Variants in SHROOM4 observed in about 807,000 individuals in gnomAD.
The protein encoded by SHROOM4 is protein Shroom4.
SHROOM4 carries 17 observed loss-of-function variants against 80.3 expected under a neutral mutation model. The observed-to-expected ratio is 0.21, with a 90% CI of 0.14 to 0.32. SHROOM4 has a LOEUF of 0.32. SHROOM4 is among the 10% of genes least tolerant of loss of function. The pLI is 1.00. For missense variants in SHROOM4, 993 were observed against 1,140.3 expected (o/e 0.87, Z 1.86); for synonymous variants, 400 against 437.5 (o/e 0.91, Z 1.07).
intron 1 of SHROOM4, among the ~76,000 whole-genome samples, chrX:50,697,939 C>T (rs982065788): frequency 6.7e-4 from 75 of 111,962 alleles, no homozygotes; most frequent in African/African-American, 2.4e-3. Context: ...AAGAGTTTCC[C>T]GAGGCTAACA....
At chrX:50,710,047 A>G (rs149887049) in intron 1 of SHROOM4, among the ~76,000 whole-genome samples, 18 of 112,260 alleles carry the variant, frequency 1.6e-4, no homozygotes, top group African/African-American at 5.8e-4. Context: ...AATCAAAGTC[A>G]CAGGCATGTT....
At chrX:50,720,227 T>C (rs143980182) in intron 1 of SHROOM4, among the ~76,000 whole-genome samples, 111 of 111,819 alleles carry the variant, frequency 9.9e-4, no homozygotes, top group African/African-American at 3.3e-3. Context: ...TCTCCTCTTA[T>C]GATTGCCCAC....
intron 1 of SHROOM4, among the ~76,000 whole-genome samples, chrX:50,764,027 C>A (rs1291519429): frequency 8.9e-6 from 1 of 111,794 alleles, no homozygotes; most frequent in Non-Finnish European, 1.9e-5. Context: ...AGATCTCTAC[C>A]GTTTTTGAAA....
At chrX:50,616,311 C>A (rs1405970089) in intron 5 of SHROOM4, among the ~76,000 whole-genome samples, 3 of 111,359 alleles carry the variant, frequency 2.7e-5, no homozygotes, top group Non-Finnish European at 5.7e-5. Flanking sequence ...TTTTACCATT[C>A]TTTTTTCCTT....
intron 1 of SHROOM4, among the ~76,000 whole-genome samples, chrX:50,736,770 T>C (rs1169412830): frequency 8.9e-6 from 1 of 112,051 alleles, no homozygotes; most frequent in African/African-American, 3.2e-5. Context: ...AGTAGTGGGA[T>C]TGCTGGGTCA....
chrX:50,665,236 C>T (rs1602417323), intron 2 of SHROOM4, among the ~76,000 whole-genome samples: 1 of 111,040 alleles, frequency 9.0e-6, no homozygotes, highest in African/African-American at 3.3e-5. Flanking sequence ...AGAACCTTAA[C>T]CCTCATCCAA....
chrX:50,633,835 G>A lies in SHROOM4; in HGVS notation c.2238C>T (p.Ser746=). 3 of 1,212,261 alleles carry A rather than the reference G, an allele frequency of 2.5e-6. No homozygotes were observed. Among genetic ancestry groups the A allele is most frequent in the Non-Finnish European group, 3.3e-6 (3 of 895,634 alleles). The change falls in exon 4 of 9, where the codon TCC becomes TCT. Residue 746 remains serine (S), a synonymous_variant. Coordinates refer to ENST00000376020, the MANE Select transcript of SHROOM4 (RefSeq NM_020717.5). ...TCAATTCCTTGTTGTCACCTGGGTT[G>A]GAAGGGCCTTCCATGGCTGCTGCCA... ...PLVAAAMEGP[S]NPGDNKELKA... is the part of the protein sequence containing the mutation.
intron 1 of SHROOM4, among the ~76,000 whole-genome samples, chrX:50,740,485 T>G (rs895191701): frequency 7.2e-5 from 8 of 111,320 alleles, no homozygotes; most frequent in Admixed American, 2.9e-4. Context: ...TATAGGCAAC[T>G]CAACAATGAT....
Position 50,694,936 on chromosome X carries a change from G to GA in SHROOM4, c.269+849dup, listed in dbSNP as rs782428169. 8.0e-3 allele frequency among the ~76,000 whole-genome samples: 786 copies of GA among 98,256 alleles called. 10 individuals carry two copies. The highest frequency in any genetic ancestry group is 0.024 in the African/African-American group (646 of 27,143). 85.3% of individuals were successfully genotyped at this position (98,256 alleles called of 115,157 possible). Reference sequence around the variant, plus strand: ...AACTTAGGTGTGTATATACGATAAAGAAAAAAAAAAACAATAGAAAGGGAG... The same window carrying GA: ...AACTTAGGTGTGTATATACGATAAAGAAAAAAAAAAAACAATAGAAAGGGAG... On this transcript the variant is annotated intron_variant, in intron 2 of 8. Transcript: ENST00000376020.
At chrX:50,609,665 A>G (rs868962049) in intron 5 of SHROOM4, among the ~76,000 whole-genome samples, 12 of 88,248 alleles carry the variant, frequency 1.4e-4, no homozygotes, top group Non-Finnish European at 1.6e-4. Flanking sequence ...AGTCATGGAT[A>G]TGTGTGTGTG....
intron 1 of SHROOM4, among the ~76,000 whole-genome samples, chrX:50,738,544 C>T (rs1341575931): frequency 2.7e-5 from 3 of 111,302 alleles, no homozygotes; most frequent in African/African-American, 9.8e-5. Context: ...AACAGACAAA[C>T]AGAGAGCCAA....
At chrX:50,655,536 T>C (rs926047637) in intron 2 of SHROOM4, among the ~76,000 whole-genome samples, 5 of 106,983 alleles carry the variant, frequency 4.7e-5, no homozygotes, top group Non-Finnish European at 9.6e-5. Flanking sequence ...AAATATATAT[T>C]ATATATAACA....
chrX:50,719,178 G>A (rs1445953939), intron 1 of SHROOM4, among the ~76,000 whole-genome samples: 1 of 111,781 alleles, frequency 8.9e-6, no homozygotes, highest in Non-Finnish European at 1.9e-5. Context: ...ATATTATTTA[G>A]CTCCAATGTA....
intron 3 of SHROOM4, among the ~76,000 whole-genome samples, chrX:50,636,040 G>A (rs1557256066): frequency 9.0e-6 from 1 of 111,495 alleles, no homozygotes; most frequent in African/African-American, 3.3e-5. Flanking sequence ...CAGAATATCA[G>A]CATTAGAGAG....
At chrX:50,655,932 T>G (rs781885443) in intron 2 of SHROOM4, among the ~76,000 whole-genome samples, 27 of 111,743 alleles carry the variant, frequency 2.4e-4, no homozygotes, top group African/African-American at 8.7e-4. Context: ...ACACTTGTCT[T>G]TTTGATTATA....
chrX:50,802,691 A>T (rs1318484139), intron 1 of SHROOM4, among the ~76,000 whole-genome samples: 1 of 111,788 alleles, frequency 8.9e-6, no homozygotes. Flanking sequence ...TATTCTTGAG[A>T]TCAGATGAGA....
intron 5 of SHROOM4, among the ~76,000 whole-genome samples, chrX:50,626,655 C>T (rs1022258469): frequency 5.4e-5 from 6 of 111,847 alleles, no homozygotes; most frequent in Non-Finnish European, 7.5e-5. Context: ...GTTTCAATTG[C>T]GCAATCAAGT....
chrX:50,623,762 G>A, intron 5 of SHROOM4, among the ~76,000 whole-genome samples: 1 of 112,020 alleles, frequency 8.9e-6, no homozygotes, highest in East Asian at 2.8e-4. Flanking sequence ...GCCAAAAAGT[G>A]AAAACAACCC....
At position 50,658,600 on chromosome X, in the gene SHROOM4, C is replaced by A. The variant is rs546841796; in HGVS notation, c.270-20292G>T. Among the ~76,000 whole-genome samples the A allele has an allele frequency of 8.0e-5, 9 of 111,804 alleles. No individual in the cohort carries two copies. In the South Asian group the frequency reaches 3.4e-3, roughly 42 times the overall value. ...AGTACTTATGGGAAAAGTCCAAATT[C>A]ATTAGCTTGGCAGCCTAGACCTTCC... On this transcript the variant is annotated intron_variant, in intron 2 of 8. Transcript: ENST00000376020.
Sources: allele counts gnomAD v4.1 joint callset (sites outside exome capture counted in the v4.1 genomes callset), GRCh38; gene constraint gnomAD v4.1.1; transcripts MANE v1.5; gene names NCBI Gene and HGNC (gene_info 2026-07-23, HGNC 2026-07-21).